Variants in PLEKHA5 observed in about 807,000 individuals in gnomAD.
PLEKHA5 encodes the protein pleckstrin homology domain-containing family A member 5.
PLEKHA5 carries 55 observed loss-of-function variants against 181.9 expected under a neutral mutation model. The observed-to-expected ratio is 0.30, with a 90% CI of 0.24 to 0.38. The LOEUF (loss-of-function observed/expected upper bound fraction) is 0.38, where lower values mean the gene tolerates loss of function less well. PLEKHA5 is among the 10% of genes least tolerant of loss of function. PLEKHA5 has a pLI of 1.00. For synonymous variants in PLEKHA5, 535 were observed against 529.4 expected, an observed-to-expected ratio of 1.01 and a Z score of -0.15; for missense variants, 1,432 against 1,549.5, an observed-to-expected ratio of 0.92 and a Z score of 1.27.
At chr12:19,186,932 G>C (rs1260039135) in intron 3 of PLEKHA5, among the ~76,000 whole-genome samples, 1 of 152,196 alleles carries the variant, frequency 6.6e-6, no homozygotes, top group Admixed American at 6.5e-5. Flanking sequence ...GTGGTTGAAA[G>C]AGATGTTGTA....
chr12:19,165,257 G>C lies in PLEKHA5; in HGVS notation c.227+32807G>C, dbSNP rs146437459. Among the ~76,000 whole-genome samples, 1,170 of 152,248 alleles carry C rather than the reference G, an allele frequency of 7.7e-3. 12 individuals carry two copies. The highest frequency in any genetic ancestry group is 0.027 in the African/African-American group (1,102 of 41,544). ...ACATGATGTTTGGTTTTCCTGTTTA[G>C]TAGTCTATAAATGGCTTTGTAAGAA... On this transcript the variant is annotated intron_variant, in intron 3 of 31. Coordinates refer to ENST00000429027, the MANE Select transcript of PLEKHA5 (RefSeq NM_001256470.2).
chr12:19,358,841 A>G (rs1244768901), intron 27 of PLEKHA5, among the ~76,000 whole-genome samples: 1 of 152,214 alleles, frequency 6.6e-6, no homozygotes, highest in African/African-American at 2.4e-5. Context: ...CATGACCTAA[A>G]TTGTAGCAGG....
Position 19,274,587 on chromosome 12 carries a change from T to C in PLEKHA5, c.917T>C (p.Ile306Thr). 6.2e-7 allele frequency: 1 copy of C among 1,613,634 alleles called. No homozygotes were observed. Among genetic ancestry groups the C allele is most frequent in the Non-Finnish European group, 8.5e-7 (1 of 1,179,768 alleles). ...AACATTCCCAACCATAGAGTGCTAA[T>C]TAAACCAGAGATCCAAAACAATCAA... ...TNNIPNHRVL[I>T]KPEIQNNQKN... Residue 306 changes from isoleucine (I) to threonine (T), a missense_variant, in exon 11 of 32, where the codon ATT (isoleucine) becomes ACT (threonine). Around this residue, in one of 2 missense-constraint regions of PLEKHA5, gnomAD observed 289 missense variants for 381.1 expected, o/e 0.76. Transcript: ENST00000429027.
At chr12:19,277,864 A>C (rs1446620386) in intron 11 of PLEKHA5, among the ~76,000 whole-genome samples, 4 of 152,198 alleles carry the variant, frequency 2.6e-5, no homozygotes, top group Non-Finnish European at 5.9e-5. Flanking sequence ...AGTGGCAGGC[A>C]CTGTTAAGAT....
At chr12:19,243,335 T>G (rs953273363) in intron 3 of PLEKHA5, 2 of 152,236 alleles carry the variant, frequency 1.3e-5, no homozygotes, top group African/African-American at 2.4e-5. Context: ...CTGGCAACTT[T>G]CTAAATGCTA....
intron 3 of PLEKHA5, among the ~76,000 whole-genome samples, chr12:19,246,642 A>G (rs1240129852): frequency 6.6e-6 from 1 of 151,482 alleles, no homozygotes; most frequent in East Asian, 1.9e-4. Context: ...AATCTAGTAC[A>G]TTTAGTACTG....
At chr12:19,334,829 A>AAAAAAT in intron 20 of PLEKHA5, among the ~76,000 whole-genome samples, 6 of 18,608 alleles carry the variant, frequency 3.2e-4, no homozygotes, top group African/African-American at 7.3e-4. Context: ...AAAAAAAAAA[A>AAAAAAT]ATATATATAT....
intron 3 of PLEKHA5, among the ~76,000 whole-genome samples, chr12:19,158,940 A>G (rs372073828): frequency 1.3e-5 from 2 of 152,312 alleles, no homozygotes; most frequent in South Asian, 2.1e-4. Flanking sequence ...CATCTCTATC[A>G]TCATCTCTGA....
chr12:19,284,401 C>T (rs2076804991), intron 12 of PLEKHA5, among the ~76,000 whole-genome samples: 1 of 152,070 alleles, frequency 6.6e-6, no homozygotes, highest in Non-Finnish European at 1.5e-5. Flanking sequence ...GCTTTTTACA[C>T]ACTTGGAAAT....
At chr12:19,207,310 G>T (rs2055801893) in intron 3 of PLEKHA5, 1 of 151,940 alleles carries the variant, frequency 6.6e-6, no homozygotes. Context: ...CAATAGAAGA[G>T]AAATAATGAA....
intron 21 of PLEKHA5, among the ~76,000 whole-genome samples, chr12:19,337,935 G>A (rs2093583194): frequency 2.0e-5 from 3 of 151,788 alleles, no homozygotes; most frequent in South Asian, 4.2e-4. Context: ...AGAGGCTGAG[G>A]CAGGAGAATC....
At chr12:19,294,875 A>G (rs768593965) in intron 15 of PLEKHA5, among the ~76,000 whole-genome samples, 1 of 152,206 alleles carries the variant, frequency 6.6e-6, no homozygotes, top group African/African-American at 2.4e-5. Context: ...TTTGATTCTC[A>G]CTGTCACCGT....
At chr12:19,132,895 CA>C (rs1057023866) in intron 3 of PLEKHA5, among the ~76,000 whole-genome samples, 4 of 115,124 alleles carry the variant, frequency 3.5e-5, no homozygotes, top group South Asian at 3.0e-4. Flanking sequence ...AGATAACAAA[CA>C]AAAAAAAATC....
At chr12:19,277,208 G>A (rs1179871535) in intron 11 of PLEKHA5, among the ~76,000 whole-genome samples, 26 of 152,100 alleles carry the variant, frequency 1.7e-4, no homozygotes, top group Admixed American at 1.7e-3. Context: ...ATCACTTTCA[G>A]AAAAATTATA....
chr12:19,304,833 G>T (rs1020544173), intron 15 of PLEKHA5, among the ~76,000 whole-genome samples: 3 of 151,696 alleles, frequency 2.0e-5, no homozygotes, highest in African/African-American at 7.3e-5. Flanking sequence ...GATGCCTCAT[G>T]CCTGTAATCC....
At chr12:19,346,096 ATC>A in intron 23 of PLEKHA5, among the ~76,000 whole-genome samples, 1 of 152,224 alleles carries the variant, frequency 6.6e-6, no homozygotes, top group East Asian at 1.9e-4. Context: ...AAAAAATGGA[ATC>A]TCTGCTTTTT....
At chr12:19,295,108 A>G (rs2079428248) in intron 15 of PLEKHA5, among the ~76,000 whole-genome samples, 1 of 152,152 alleles carries the variant, frequency 6.6e-6, no homozygotes, top group Admixed American at 6.5e-5. Context: ...CATAGGCCCA[A>G]AGTAGAACCT....
intron 20 of PLEKHA5, among the ~76,000 whole-genome samples, chr12:19,333,137 T>C (rs2093012897): frequency 6.6e-6 from 1 of 151,950 alleles, no homozygotes; most frequent in Admixed American, 6.6e-5. Flanking sequence ...ATACAAAAAT[T>C]AGCCGGACAT....
At chr12:19,317,488 A>C (rs1403775688) in intron 16 of PLEKHA5, among the ~76,000 whole-genome samples, 1 of 152,106 alleles carries the variant, frequency 6.6e-6, no homozygotes, top group African/African-American at 2.4e-5. Context: ...TAAAAGATGC[A>C]ATATCAACAA....
Sources: gnomAD v4.1 joint callset for allele counts (sites outside exome capture counted in the v4.1 genomes callset) on GRCh38, gnomAD v4.1.1 for gene constraint, gnomAD v4.1.1 regional missense constraint, MANE v1.5 for transcripts, NCBI Gene and HGNC (gene_info 2026-07-23, HGNC 2026-07-21) for gene names.